Variants in TIAM2 observed in about 807,000 individuals in gnomAD.
The protein encoded by TIAM2 is TIAM Rac1 associated GEF 2.
TIAM2 carries 80 observed loss-of-function variants against 152.9 expected under a neutral mutation model. The observed-to-expected ratio is 0.52, with a 90% confidence interval of 0.44 to 0.63. TIAM2 has a LOEUF of 0.63. Ranked by LOEUF, TIAM2 falls within the 30% of genes least tolerant of loss-of-function variation. TIAM2 has a pLI of 0.00. For missense variants in TIAM2, 1,965 were observed against 2,120.1 expected, an observed-to-expected ratio of 0.93 and a Z score of 1.44; for synonymous variants, 804 against 838.0, an observed-to-expected ratio of 0.96 and a Z score of 0.70.
intron 21 of TIAM2, chr6:155,250,476 G>A (rs1583288429): frequency 7.2e-7 from 1 of 1,395,596 alleles, no homozygotes; most frequent in Non-Finnish European, 9.7e-7. Context: ...GGCAGGAACA[G>A]GAAAGGACTG....
intron 15 of TIAM2, among the ~76,000 whole-genome samples, chr6:155,233,997 T>G (rs1002985672): frequency 1.8e-5 from 2 of 112,054 alleles, no homozygotes; most frequent in African/African-American, 3.2e-5. Context: ...GAGAGAAAAT[T>G]TTTTTTGGGG....
At chr6:155,073,828 CA>C (rs1388316960) in intron 1 of TIAM2, among the ~76,000 whole-genome samples, 2 of 152,326 alleles carry the variant, frequency 1.3e-5, no homozygotes, top group South Asian at 4.1e-4. Context: ...TCCCATAGGG[CA>C]GAGTGGGAGT....
At chr6:155,100,694 A>G (rs1778532861) in intron 2 of TIAM2, among the ~76,000 whole-genome samples, 1 of 152,216 alleles carries the variant, frequency 6.6e-6, no homozygotes, top group Non-Finnish European at 1.5e-5. Flanking sequence ...GCCTTGTGGA[A>G]TTAACATTCT....
In TIAM2 at chr6:155,144,695, A is replaced by G. The variant is rs989998547; in HGVS notation, c.1720A>G (p.Ile574Val). ...GTGTGCTCTGTTTGCAGAAGACAGC[A>G]TAGTGCAGTCTGTTCCAGAGCATCC... ...PRCALFAEDS[I>V]VQSVPEHPKK... Residue 574 changes from isoleucine to valine, a missense_variant, in exon 6 of 27, where the codon ATA becomes GTA. This residue lies in a region of TIAM2 where 1,025 missense variants were observed against 1,119.4 expected (regional missense o/e 0.92). Transcript: ENST00000682666. The G allele has an allele frequency of 6.2e-7, 1 of 1,611,292 alleles. No individual in the cohort carries two copies. Among genetic ancestry groups the G allele is most frequent in the South Asian group, 1.1e-5 (1 of 90,284 alleles).
chr6:155,033,274 G>A (rs1776858233), intron 1 of TIAM2, among the ~76,000 whole-genome samples: 1 of 152,120 alleles, frequency 6.6e-6, no homozygotes, highest in African/African-American at 2.4e-5. Flanking sequence ...GGCTACTTCC[G>A]TGATCTCTCA....
At chr6:154,999,825 C>T (rs566165591) in intron 1 of TIAM2, among the ~76,000 whole-genome samples, 17 of 152,080 alleles carry the variant, frequency 1.1e-4, no homozygotes, top group Non-Finnish European at 2.4e-4. Context: ...ATTACAGGTA[C>T]GTGCCACCAT....
intron 14 of TIAM2, among the ~76,000 whole-genome samples, chr6:155,191,053 T>G (rs1781190748): frequency 6.6e-6 from 1 of 152,218 alleles, no homozygotes; most frequent in Non-Finnish European, 1.5e-5. Context: ...TAGAGATAAC[T>G]GTATTGTGAC....
chr6:155,005,617 G>A (rs1357334622), intron 1 of TIAM2, among the ~76,000 whole-genome samples: 2 of 151,868 alleles, frequency 1.3e-5, no homozygotes, highest in Non-Finnish European at 2.9e-5. Flanking sequence ...TGGGATTACA[G>A]GGGTGAGCCA....
intron 1 of TIAM2, among the ~76,000 whole-genome samples, chr6:155,052,374 A>G (rs944150127): frequency 3.3e-5 from 5 of 152,200 alleles, no homozygotes; most frequent in African/African-American, 9.6e-5. Context: ...GAAATTATAT[A>G]CAAGTTACTT....
intron 1 of TIAM2, among the ~76,000 whole-genome samples, chr6:155,017,600 T>G (rs563163522): frequency 7.5e-5 from 11 of 147,452 alleles, no homozygotes; most frequent in African/African-American, 2.3e-4. Context: ...GCCTCCTGGG[T>G]TCAAGCTATA....
chr6:155,032,528 G>T (rs1417993716), intron 1 of TIAM2, among the ~76,000 whole-genome samples: 1 of 152,004 alleles, frequency 6.6e-6, no homozygotes, highest in Non-Finnish European at 1.5e-5. Context: ...ACCCTCTTTA[G>T]GCTGCAGGGA....
chr6:155,254,593 T>G lies in TIAM2; in HGVS notation c.4468+20T>G. The G allele has an allele frequency of 1.2e-6, 2 of 1,605,156 alleles. No homozygotes were observed. Among genetic ancestry groups the G allele is most frequent in the Non-Finnish European group, 1.7e-6 (2 of 1,172,262 alleles). The stretch of plus-strand genomic sequence containing the variant: ...AATTAGGTGAGAATTTTGCTAGCCT[T>G]GTGTTTATTCAACAAAATATTATGA... On this transcript the variant is annotated intron_variant, in intron 26 of 26. Transcript: ENST00000682666.
At chr6:155,157,195 G>T (rs1296575536) in intron 7 of TIAM2, among the ~76,000 whole-genome samples, 2 of 152,174 alleles carry the variant, frequency 1.3e-5, no homozygotes, top group Non-Finnish European at 2.9e-5. Context: ...AGGAAACAGA[G>T]ATCTTCTCTG....
chr6:155,245,522 T>C (rs1345733602), intron 18 of TIAM2, 101 bp from the exon 19 acceptor site: 9 of 970,022 alleles, frequency 9.3e-6, no homozygotes, highest in Admixed American at 3.7e-5. Flanking sequence ...AAGGCATTAG[T>C]GCTATGGAAT....
In TIAM2 at chr6:155,247,915, A is replaced by C; in HGVS notation, c.3653-85A>C. 3 of 1,461,632 alleles carry C rather than the reference A, an allele frequency of 2.1e-6. No individual in the cohort carries two copies. In the South Asian group the frequency reaches 4.0e-5, roughly 19 times the overall value. 90.5% of individuals were successfully genotyped at this position (1,461,632 alleles called of 1,614,324 possible). A position where few individuals can be genotyped will look rare whatever the true frequency, so the allele number is the denominator to read the frequency against. On this transcript the variant is annotated intron_variant, in intron 19 of 26. Coordinates refer to ENST00000682666, the MANE Select transcript of TIAM2 (RefSeq NM_012454.4). ...GGCATTAGGAGGACTATAGAAATAG[A>C]TGATCTATAAATGTTAAAAGAGAAA...
chr6:155,028,181 G>C (rs1167053164), intron 1 of TIAM2, among the ~76,000 whole-genome samples: 1 of 117,936 alleles, frequency 8.5e-6, no homozygotes, highest in Non-Finnish European at 1.7e-5. Flanking sequence ...TATATGTACT[G>C]TGTTACATAT....
chr6:155,031,581 G>A (rs1356037989), intron 1 of TIAM2, among the ~76,000 whole-genome samples: 4 of 152,062 alleles, frequency 2.6e-5, no homozygotes, highest in Non-Finnish European at 5.9e-5. Flanking sequence ...AAAATTAGCT[G>A]GGTGTGGTGG....
intron 9 of TIAM2, 92 bp downstream of exon 9, chr6:155,165,501 T>G: frequency 1.3e-6 from 2 of 1,492,830 alleles, no homozygotes; most frequent in Non-Finnish European, 9.0e-7. Flanking sequence ...GTTCATTCTC[T>G]GTTAAGAATG....
Position 155,179,362 on chromosome 6 carries a change from T to C in TIAM2, c.2629-16T>C, listed in dbSNP as rs1229287158. On this transcript the variant is annotated splice_polypyrimidine_tract_variant and intron_variant, in intron 11 of 26. Coordinates refer to ENST00000682666, the MANE Select transcript of TIAM2 (RefSeq NM_012454.4). Reference sequence around the variant, plus strand: ...AACATGAGATCCTCTGATTTTGTTGTTTTCACCTTTTGCAGGTTTATGATG... The same window carrying C: ...AACATGAGATCCTCTGATTTTGTTGCTTTCACCTTTTGCAGGTTTATGATG... 3.7e-6 allele frequency: 6 copies of C among 1,613,094 alleles called. No individual in the cohort carries two copies. The highest frequency in any genetic ancestry group is 5.1e-6 in the Non-Finnish European group (6 of 1,179,616).
Sources: gnomAD v4.1 joint callset for allele counts (sites outside exome capture counted in the v4.1 genomes callset) on GRCh38, gnomAD v4.1.1 for gene constraint, gnomAD v4.1.1 regional missense constraint, MANE v1.5 for transcripts, NCBI Gene and HGNC (gene_info 2026-07-23, HGNC 2026-07-21) for gene names.